The following ALK variants were observed in gnomAD, a reference collection of about 807,000 sequenced individuals.
ALK encodes ALK tyrosine kinase receptor.
Under a neutral mutation model 163.1 loss-of-function variants are expected in ALK, and 74 were observed. The ratio of observed to expected loss-of-function variants is 0.45; its 90% CI spans 0.38 to 0.55. The LOEUF is 0.55. ALK is among the 20% of genes least tolerant of loss of function. ALK has a pLI of 0.00. For missense variants in ALK, 2,063 were observed against 2,105.3 expected, an observed-to-expected ratio of 0.98 and a Z score of 0.39; for synonymous variants, 960 against 843.2, an observed-to-expected ratio of 1.14 and a Z score of -2.40.
At position 29,784,303 on chromosome 2, in the gene ALK, C is replaced by T. The variant is rs531088451; in HGVS notation, c.668-66606G>A. Among the ~76,000 whole-genome samples, 9 of 152,338 alleles carry T rather than the reference C, an allele frequency of 5.9e-5. No individual in the cohort carries two copies. The East Asian group carries it at 1.7e-3, about 29-fold the overall frequency. On this transcript the variant is annotated intron_variant, in intron 1 of 28. Transcript: ENST00000389048. ...GAGTTTCTCTTTATCTAGCACCTAT[C>T]ATGCTGCATATACATTTTCTATAAT...
chr2:29,786,772 T>A (rs954567491), intron 1 of ALK, among the ~76,000 whole-genome samples: 2 of 151,834 alleles, frequency 1.3e-5, no homozygotes, highest in African/African-American at 2.4e-5. Flanking sequence ...TCCCTGGGAG[T>A]TTTTTTTGTT....
chr2:29,465,618 TG>T (rs1485136411), intron 4 of ALK, among the ~76,000 whole-genome samples: 1 of 151,906 alleles, frequency 6.6e-6, no homozygotes, highest in Non-Finnish European at 1.5e-5. Context: ...CACTTGAACC[TG>T]GGAGGTGGAG....
chr2:29,343,088 A>G (rs932939906), intron 5 of ALK, among the ~76,000 whole-genome samples: 6 of 150,864 alleles, frequency 4.0e-5, no homozygotes, highest in Non-Finnish European at 8.9e-5. Flanking sequence ...GGGTTTCACC[A>G]TGTTAGCCAG....
At chr2:29,484,069 T>C (rs1671725833) in intron 4 of ALK, among the ~76,000 whole-genome samples, 1 of 152,122 alleles carries the variant, frequency 6.6e-6, no homozygotes, top group African/African-American at 2.4e-5. Flanking sequence ...ACTTATTCAC[T>C]ATCATGAGAA....
At chr2:29,412,127 ACC>A (rs1669739224) in intron 4 of ALK, among the ~76,000 whole-genome samples, 1 of 152,182 alleles carries the variant, frequency 6.6e-6, no homozygotes, top group South Asian at 2.1e-4. Context: ...CATTGGTTGG[ACC>A]AAAAAGGTGC....
intron 1 of ALK, among the ~76,000 whole-genome samples, chr2:29,916,320 C>G (rs1358059958): frequency 6.6e-6 from 1 of 152,246 alleles, no homozygotes; most frequent in African/African-American, 2.4e-5. Context: ...CACTGCCACT[C>G]TCTCTCTTCA....
chr2:29,909,273 G>A (rs1206675772), intron 1 of ALK, among the ~76,000 whole-genome samples: 1 of 152,210 alleles, frequency 6.6e-6, no homozygotes, highest in African/African-American at 2.4e-5. Flanking sequence ...TATGTGGTGG[G>A]CCCTAGCACT....
chr2:29,254,484 C>G (rs959614257), intron 11 of ALK, among the ~76,000 whole-genome samples: 3 of 152,132 alleles, frequency 2.0e-5, no homozygotes, highest in Non-Finnish European at 4.4e-5. Flanking sequence ...AGATGCTGGG[C>G]TTCTACTTCT....
At chr2:29,902,186 G>A (rs914197492) in intron 1 of ALK, among the ~76,000 whole-genome samples, 1 of 152,054 alleles carries the variant, frequency 6.6e-6, no homozygotes, top group South Asian at 2.1e-4. Context: ...CTATCATCTC[G>A]GCTCCCCAGG....
intron 13 of ALK, among the ~76,000 whole-genome samples, chr2:29,239,076 G>A (rs1194400416): frequency 6.6e-6 from 1 of 152,178 alleles, no homozygotes; most frequent in Non-Finnish European, 1.5e-5. Context: ...CTAAATAAAA[G>A]TTGGAGTTGA....
chr2:29,216,936 TGTGTGTGTGGC>T (rs1558619267), intron 23 of ALK, among the ~76,000 whole-genome samples: 9 of 7,652 alleles, frequency 1.2e-3, no homozygotes, highest in Non-Finnish European at 4.9e-3. Context: ...GTGTGGGGGG[TGTGTGTGTGGC>T]ATGTGATGTG....
At chr2:29,396,078 C>T (rs1669295708) in intron 4 of ALK, among the ~76,000 whole-genome samples, 1 of 152,164 alleles carries the variant, frequency 6.6e-6, no homozygotes, top group Non-Finnish European at 1.5e-5. Flanking sequence ...AGGGATCACA[C>T]CTTTCCACCT....
chr2:29,347,428 G>C (rs1667983731), intron 5 of ALK, among the ~76,000 whole-genome samples: 2 of 152,166 alleles, frequency 1.3e-5, no homozygotes, highest in Non-Finnish European at 2.9e-5. Flanking sequence ...CCGTCCTTTG[G>C]TTTGGATGGG....
intron 3 of ALK, among the ~76,000 whole-genome samples, chr2:29,570,698 C>A (rs187057458): frequency 1.3e-5 from 2 of 152,178 alleles, no homozygotes; most frequent in Non-Finnish European, 2.9e-5. Flanking sequence ...CTCTTTTAGA[C>A]GTTTCGCTCT....
chr2:29,337,908 T>A (rs2148267729), intron 5 of ALK, among the ~76,000 whole-genome samples: 1 of 152,348 alleles, frequency 6.6e-6, no homozygotes, highest in South Asian at 2.1e-4. Context: ...CATCTTCTAC[T>A]AGCTAGTGGG....
intron 2 of ALK, among the ~76,000 whole-genome samples, chr2:29,702,255 A>G (rs751488479): frequency 3.4e-4 from 52 of 152,286 alleles, no homozygotes; most frequent in South Asian, 2.1e-4. Flanking sequence ...TGAATCAGCC[A>G]ATGTGCTGAT....
At chr2:29,448,427 C>T (rs749349719) in intron 4 of ALK, among the ~76,000 whole-genome samples, 5 of 152,060 alleles carry the variant, frequency 3.3e-5, no homozygotes, top group Admixed American at 1.3e-4. Context: ...GCCTCATGGG[C>T]GTGTTAAACC....
At chr2:29,826,404 A>C (rs893776343) in intron 1 of ALK, among the ~76,000 whole-genome samples, 8 of 151,974 alleles carry the variant, frequency 5.3e-5, no homozygotes, top group African/African-American at 1.9e-4. Flanking sequence ...AATGAGAATC[A>C]TCAAAATATT....
chr2:29,282,671 CT>C (rs951853688), intron 9 of ALK, among the ~76,000 whole-genome samples: 1 of 152,186 alleles, frequency 6.6e-6, no homozygotes, highest in African/African-American at 2.4e-5. Flanking sequence ...GCTTCCAGGG[CT>C]TTCAAGGGCC....
Sources: allele counts gnomAD v4.1 joint callset (sites outside exome capture counted in the v4.1 genomes callset), GRCh38; gene constraint gnomAD v4.1.1; transcripts MANE v1.5; gene names NCBI Gene and HGNC (gene_info 2026-07-23, HGNC 2026-07-21).